KCNMB2: variants seen among roughly 807,000 people sequenced by gnomAD.
KCNMB2 encodes the protein calcium-activated potassium channel subunit beta-2.
Under a neutral mutation model 24.5 loss-of-function variants are expected in KCNMB2, and 9 were observed. That is an observed-to-expected ratio of 0.37 (90% confidence interval 0.22 to 0.64). The LOEUF (loss-of-function observed/expected upper bound fraction) is 0.64. KCNMB2 is among the 30% of genes least tolerant of loss of function. The pLI, the probability that KCNMB2 is intolerant of heterozygous loss-of-function variation, is 0.63. For synonymous variants in KCNMB2, 109 were observed against 104.4 expected (o/e 1.04, Z -0.27); for missense variants, 226 against 284.3 (o/e 0.79, Z 1.47).
intron 2 of KCNMB2, among the ~76,000 whole-genome samples, chr3:178,815,522 A>G (rs1181280431): frequency 6.6e-6 from 1 of 152,198 alleles, no homozygotes; most frequent in Non-Finnish European, 1.5e-5. Flanking sequence ...TACAGTAAAT[A>G]TACTATTCAT....
chr3:178,698,490 T>C (rs1481227540), intron 1 of KCNMB2, among the ~76,000 whole-genome samples: 2 of 152,254 alleles, frequency 1.3e-5, no homozygotes, highest in Non-Finnish European at 2.9e-5. Flanking sequence ...TTATTTTTAC[T>C]GGTTATTTGT....
intron 1 of KCNMB2, among the ~76,000 whole-genome samples, chr3:178,784,623 A>C (rs1420857512): frequency 6.6e-6 from 1 of 152,066 alleles, no homozygotes; most frequent in Admixed American, 6.6e-5. Flanking sequence ...ACTTCTCAAG[A>C]GTCTTTCACC....
At chr3:178,778,506 G>A (rs865822349) in intron 1 of KCNMB2, among the ~76,000 whole-genome samples, 91 of 118,488 alleles carry the variant, frequency 7.7e-4, no homozygotes, top group African/African-American at 2.5e-3. Flanking sequence ...ACACACACCT[G>A]TTCCAGGCTC....
chr3:178,682,974 A>T (rs779604835), intron 1 of KCNMB2, among the ~76,000 whole-genome samples: 2 of 152,178 alleles, frequency 1.3e-5, no homozygotes, highest in Non-Finnish European at 1.5e-5. Context: ...TTATCAACAC[A>T]GTGATCTCAT....
chr3:178,813,292 C>T (rs556630767), intron 2 of KCNMB2, among the ~76,000 whole-genome samples: 1 of 151,984 alleles, frequency 6.6e-6, no homozygotes, highest in African/African-American at 2.4e-5. Flanking sequence ...CTTATTTATT[C>T]ATGAATTATA....
At chr3:178,601,597 C>T (rs974849449) in intron 1 of KCNMB2, among the ~76,000 whole-genome samples, 6 of 152,166 alleles carry the variant, frequency 3.9e-5, no homozygotes, top group African/African-American at 1.4e-4. Context: ...ACTTTCCTGG[C>T]CTTTCCTCAG....
intron 1 of KCNMB2, among the ~76,000 whole-genome samples, chr3:178,596,538 C>T (rs1191111547): frequency 6.6e-6 from 1 of 152,066 alleles, no homozygotes; most frequent in Non-Finnish European, 1.5e-5. Context: ...CATCATGACC[C>T]TTTGCTACTT....
rs1200708985 is a variant in KCNMB2 at position 178,825,693 on chromosome 3, G to A, written c.162G>A (p.Met54Ile). The A allele has an allele frequency of 1.9e-6, 3 of 1,614,074 alleles. No homozygotes were observed. The highest frequency in any genetic ancestry group is 2.5e-6 in the Non-Finnish European group (3 of 1,179,942). Residue 54 changes from methionine (M) to isoleucine (I), a missense_variant, in exon 3 of 5, where the codon ATG (methionine) becomes ATA (isoleucine). By Grantham distance (10) the Met-to-Ile change is conservative (BLOSUM62 1). Coordinates refer to ENST00000452583, the MANE Select transcript of KCNMB2 (RefSeq NM_181361.3). The stretch of plus-strand genomic sequence containing the variant: ...GAGCTATTCTCCTGGGACTGGCTAT[G>A]ATGGTGTGCTCCATCATGATGTATT... The part of the protein sequence containing the change: ...EDRAILLGLA[M>I]MVCSIMMYFL...
chr3:178,803,325 T>C (rs1419980128), intron 1 of KCNMB2, among the ~76,000 whole-genome samples: 1 of 152,166 alleles, frequency 6.6e-6, no homozygotes, highest in Non-Finnish European at 1.5e-5. Flanking sequence ...AACAGAAATT[T>C]TCTGTCCAAG....
chr3:178,805,061 T>G (rs1213826185), intron 1 of KCNMB2, among the ~76,000 whole-genome samples: 4 of 152,262 alleles, frequency 2.6e-5, no homozygotes, highest in Admixed American at 2.6e-4. Context: ...GCAGATTTAA[T>G]TTCTACGTCT....
chr3:178,806,314 A>G (rs192503185), intron 1 of KCNMB2, among the ~76,000 whole-genome samples: 285 of 152,344 alleles, frequency 1.9e-3, no homozygotes, highest in Admixed American at 2.3e-3. Context: ...TTGTATAAGC[A>G]TAACACAGAT....
intron 1 of KCNMB2, among the ~76,000 whole-genome samples, chr3:178,657,484 G>A (rs946582177): frequency 1.3e-5 from 2 of 152,154 alleles, no homozygotes; most frequent in African/African-American, 4.8e-5. Context: ...TGTAAAATAA[G>A]GATAGTTACA....
At chr3:178,794,661 TA>T (rs1713462734) in intron 1 of KCNMB2, among the ~76,000 whole-genome samples, 2 of 152,228 alleles carry the variant, frequency 1.3e-5, no homozygotes, top group African/African-American at 4.8e-5. Context: ...CAGTGAGCAC[TA>T]AGACGACTCA....
intron 1 of KCNMB2, among the ~76,000 whole-genome samples, chr3:178,602,943 G>T (rs1238889473): frequency 6.6e-6 from 1 of 152,158 alleles, no homozygotes; most frequent in Non-Finnish European, 1.5e-5. Flanking sequence ...TGGAGTTAGA[G>T]ATTGGACGGG....
intron 1 of KCNMB2, among the ~76,000 whole-genome samples, chr3:178,545,874 G>T (rs925524673): frequency 6.6e-6 from 1 of 152,070 alleles, no homozygotes; most frequent in Non-Finnish European, 1.5e-5. Flanking sequence ...CATTTTCATC[G>T]CATTTTGACA....
At position 178,800,011 on chromosome 3, in the gene KCNMB2, T is replaced by C. The variant is rs527922440; in HGVS notation, c.-67-7332T>C. 2.6e-5 allele frequency among the ~76,000 whole-genome samples: 4 copies of C among 152,224 alleles called. 1 individual carries two copies. In the East Asian group the frequency reaches 5.8e-4, roughly 22 times the overall value. ...TGAAACCAGACTCTGTCTCTTGCCA[T>C]GTGCAAAAAACAAATCAAAATGGAT... is the stretch of plus-strand genomic sequence containing the variant. On this transcript the variant is annotated intron_variant, in intron 1 of 4. Transcript: ENST00000452583.
At position 178,580,616 on chromosome 3, in the gene KCNMB2, C is replaced by T. The variant is rs569026884; in HGVS notation, c.-68+43905C>T. On this transcript the variant is annotated intron_variant, in intron 1 of 4. Coordinates refer to ENST00000452583, the MANE Select transcript of KCNMB2 (RefSeq NM_181361.3). Reference sequence around the variant, plus strand: ...GTGACATGATTGTGTATTTAGAAAACGCCATCATCTCAGCCCAAAATCTGC... The same window carrying T: ...GTGACATGATTGTGTATTTAGAAAATGCCATCATCTCAGCCCAAAATCTGC... 1.2e-3 allele frequency among the ~76,000 whole-genome samples: 185 copies of T among 152,270 alleles called. 4 individuals carry two copies. The South Asian group carries it at 0.036, about 29-fold the overall frequency.
chr3:178,809,990 T>A (rs1714121358), intron 2 of KCNMB2, among the ~76,000 whole-genome samples: 1 of 151,942 alleles, frequency 6.6e-6, no homozygotes, highest in Non-Finnish European at 1.5e-5. Context: ...ATTCCTTAGT[T>A]TAATGTTGGA....
chr3:178,682,620 TC>T (rs1721308464), intron 1 of KCNMB2, among the ~76,000 whole-genome samples: 1 of 151,960 alleles, frequency 6.6e-6, no homozygotes, highest in Non-Finnish European at 1.5e-5. Context: ...ATGATTTAAT[TC>T]AATATATCTA....
Sources: gnomAD v4.1 joint callset for allele counts (sites outside exome capture counted in the v4.1 genomes callset) on GRCh38, gnomAD v4.1.1 for gene constraint, MANE v1.5 for transcripts, NCBI Gene and HGNC (gene_info 2026-07-23, HGNC 2026-07-21) for gene names.